The following CNTNAP2 variants were observed in gnomAD, a reference collection of about 807,000 sequenced individuals.
CNTNAP2 encodes the protein contactin-associated protein-like 2.
In CNTNAP2, 98 loss-of-function variants were observed where a neutral mutation model predicts 155.2. That is an observed-to-expected ratio of 0.63 (90% CI 0.54 to 0.75). The LOEUF (loss-of-function observed/expected upper bound fraction) is 0.75, where lower values mean the gene tolerates loss of function less well. Among genes scored for constraint, CNTNAP2 ranks in the 30% least tolerant of loss-of-function variants. CNTNAP2 has a pLI of 0.00. For missense variants in CNTNAP2, 1,727 were observed against 1,688.1 expected (o/e 1.02, Z -0.40); for synonymous variants, 651 against 631.2 (o/e 1.03, Z -0.47).
intron 8 of CNTNAP2, among the ~76,000 whole-genome samples, chr7:147,251,292 A>C (rs530328547): frequency 1.3e-5 from 2 of 152,138 alleles, no homozygotes; most frequent in South Asian, 4.2e-4. Context: ...TCCTTGCAAG[A>C]CCCTGATGGA....
intron 13 of CNTNAP2, among the ~76,000 whole-genome samples, chr7:147,756,782 A>G (rs1797218950): frequency 1.3e-5 from 2 of 152,200 alleles, no homozygotes. Flanking sequence ...TTTCAGGGCA[A>G]TTCCATCAAA....
intron 1 of CNTNAP2, among the ~76,000 whole-genome samples, chr7:146,176,349 T>C (rs1389564951): frequency 6.6e-6 from 1 of 152,122 alleles, no homozygotes; most frequent in African/African-American, 2.4e-5. Flanking sequence ...AAATACAAGT[T>C]AATTAAGCTT....
chr7:146,770,708 A>T (rs1389054353), intron 1 of CNTNAP2, among the ~76,000 whole-genome samples: 1 of 152,076 alleles, frequency 6.6e-6, no homozygotes, highest in Non-Finnish European at 1.5e-5. Context: ...TAAAAAATGT[A>T]AAATTTGGTA....
intron 1 of CNTNAP2, among the ~76,000 whole-genome samples, chr7:146,395,779 T>TAGAAGATAGAGAGATA: frequency 8.2e-6 from 1 of 122,116 alleles, no homozygotes; most frequent in South Asian, 2.7e-4. Context: ...GATAGACAGA[T>TAGAAGATAGAGAGATA]GATAGATAGA....
intron 13 of CNTNAP2, among the ~76,000 whole-genome samples, chr7:147,767,360 A>G (rs890219443): frequency 6.6e-6 from 1 of 151,980 alleles, no homozygotes; most frequent in African/African-American, 2.4e-5. Flanking sequence ...CTCTGAGTTG[A>G]CTCCAGGACA....
At chr7:147,204,612 A>C (rs1243875784) in intron 8 of CNTNAP2, among the ~76,000 whole-genome samples, 1 of 152,120 alleles carries the variant, frequency 6.6e-6, no homozygotes, top group East Asian at 1.9e-4. Context: ...AGTGTTTCTC[A>C]ATTTGGGTTT....
At chr7:147,156,090 T>C (rs1393339064) in intron 8 of CNTNAP2, among the ~76,000 whole-genome samples, 1 of 152,102 alleles carries the variant, frequency 6.6e-6, no homozygotes, top group Non-Finnish European at 1.5e-5. Flanking sequence ...CCAGTACTTG[T>C]ATCATAGAGT....
chr7:146,206,418 G>C (rs1438007985), intron 1 of CNTNAP2, among the ~76,000 whole-genome samples: 1 of 151,838 alleles, frequency 6.6e-6, no homozygotes, highest in African/African-American at 2.4e-5. Flanking sequence ...TATCAAAGCT[G>C]TCTTGGATGC....
At chr7:146,620,500 G>T (rs1323135865) in intron 1 of CNTNAP2, among the ~76,000 whole-genome samples, 1 of 152,104 alleles carries the variant, frequency 6.6e-6, no homozygotes, top group Non-Finnish European at 1.5e-5. Context: ...GACTGAGGGA[G>T]GTTAATCAGT....
Position 147,215,870 on chromosome 7 carries a change from G to T in CNTNAP2, c.1348+83361G>T, listed in dbSNP as rs546390538. 9.9e-5 allele frequency among the ~76,000 whole-genome samples: 15 copies of T among 152,116 alleles called. 1 individual carries two copies. Among genetic ancestry groups the T allele is most frequent in the South Asian group, 8.3e-4 (4 of 4,818 alleles). The stretch of plus-strand genomic sequence containing the variant: ...CAATATTTGGTTTTTAAAGTGTTCT[G>T]GATTTTGGCCATTTTAGGTATGTAA... On this transcript the variant is annotated intron_variant, in intron 8 of 23. Coordinates refer to ENST00000361727, the MANE Select transcript of CNTNAP2 (RefSeq NM_014141.6).
intron 4 of CNTNAP2, among the ~76,000 whole-genome samples, chr7:147,070,766 C>T (rs16883263): frequency 6.6e-6 from 1 of 152,108 alleles, no homozygotes; most frequent in Non-Finnish European, 1.5e-5. Flanking sequence ...CTTTAACTAG[C>T]TTTCACAAAT....
chr7:146,933,502 C>T (rs1216071856), intron 3 of CNTNAP2, among the ~76,000 whole-genome samples: 6 of 151,030 alleles, frequency 4.0e-5, no homozygotes, highest in African/African-American at 1.5e-4. Context: ...AAAACCTAGG[C>T]ATTACCATTC....
chr7:147,384,865 T>G (rs936026222), intron 9 of CNTNAP2, among the ~76,000 whole-genome samples: 8 of 152,202 alleles, frequency 5.3e-5, no homozygotes, highest in Non-Finnish European at 1.2e-4. Flanking sequence ...CTTCAACGTT[T>G]GTTACTTGTT....
intron 15 of CNTNAP2, among the ~76,000 whole-genome samples, chr7:148,092,325 G>C (rs1329298062): frequency 6.6e-6 from 1 of 152,206 alleles, no homozygotes; most frequent in East Asian, 1.9e-4. Flanking sequence ...ACAGGAATAT[G>C]CATCAAGTGT....
intron 12 of CNTNAP2, among the ~76,000 whole-genome samples, chr7:147,566,410 C>T (rs1198666063): frequency 3.3e-5 from 5 of 151,306 alleles, no homozygotes; most frequent in African/African-American, 9.7e-5. Flanking sequence ...TCCGTTCTCA[C>T]GCTGCTATAA....
At position 148,376,379 on chromosome 7, in the gene CNTNAP2, T is replaced by C. The variant is rs543538306; in HGVS notation, c.3476-7270T>C. On this transcript the variant is annotated intron_variant, in intron 21 of 23. Transcript: ENST00000361727. ...CAGAAAATTTTTAAAAACAAGCCAGTCATGGTGGTGTGCGCCTGTAGTCCC... is the reference window on the plus strand; with the variant it reads ...CAGAAAATTTTTAAAAACAAGCCAGCCATGGTGGTGTGCGCCTGTAGTCCC... Among the ~76,000 whole-genome samples the C allele has an allele frequency of 6.1e-4, 40 of 65,130 alleles. 13 individuals are homozygous for C. The highest frequency in any genetic ancestry group is 1.4e-3 in the African/African-American group (37 of 26,546). 42.7% of individuals were successfully genotyped at this position (65,130 alleles called of 152,430 possible). A position where few individuals can be genotyped will look rare whatever the true frequency, so the allele number is the denominator to read the frequency against.
At chr7:148,328,526 A>G (rs4726955) in intron 21 of CNTNAP2, among the ~76,000 whole-genome samples, 147,159 of 152,162 alleles carry the variant, frequency 0.97, 71,205 homozygotes, top group East Asian at 1. Flanking sequence ...CCTTGGGGCC[A>G]TGAACTTGTA....
At chr7:148,343,628 G>A (rs1468381261) in intron 21 of CNTNAP2, among the ~76,000 whole-genome samples, 1 of 152,216 alleles carries the variant, frequency 6.6e-6, no homozygotes, top group African/African-American at 2.4e-5. Context: ...AGGAGACTTT[G>A]TCAATCTGGA....
At chr7:146,280,729 C>CATTT (rs933418683) in intron 1 of CNTNAP2, among the ~76,000 whole-genome samples, 10 of 152,190 alleles carry the variant, frequency 6.6e-5, no homozygotes, top group Non-Finnish European at 1.5e-4. Context: ...CAGGCATAGA[C>CATTT]ATTTTCAAAG....
Sources: gnomAD v4.1 joint callset for allele counts (sites outside exome capture counted in the v4.1 genomes callset) on GRCh38, gnomAD v4.1.1 for gene constraint, MANE v1.5 for transcripts, NCBI Gene and HGNC (gene_info 2026-07-23, HGNC 2026-07-21) for gene names.